Variants in HNF4G observed in about 807,000 individuals in gnomAD.
HNF4G encodes the protein hepatocyte nuclear factor 4 gamma.
HNF4G carries 21 observed loss-of-function variants against 50.9 expected under a neutral mutation model. The ratio of observed to expected loss-of-function variants is 0.41; its 90% confidence interval spans 0.29 to 0.59. HNF4G has a LOEUF of 0.59. HNF4G is among the 20% of genes least tolerant of loss of function. The pLI is 0.26. For synonymous variants in HNF4G, 198 were observed against 185.6 expected, an observed-to-expected ratio of 1.07 and a Z score of -0.54; for missense variants, 527 against 559.4, an observed-to-expected ratio of 0.94 and a Z score of 0.58.
intron 1 of HNF4G, among the ~76,000 whole-genome samples, chr8:75,409,575 A>T (rs1810448449): frequency 7.6e-6 from 1 of 130,750 alleles, no homozygotes; most frequent in Non-Finnish European, 1.5e-5. Flanking sequence ...TGCAACCTCT[A>T]CCTCCCCAGT....
chr8:75,564,829 A>T lies in HNF4G; in HGVS notation c.*733A>T, dbSNP rs546025983. On this transcript the variant is annotated 3_prime_UTR_variant, in exon 10 of 10. Coordinates refer to ENST00000396423, the MANE Select transcript of HNF4G (RefSeq NM_004133.5). ...AAACAGTGACTAAATCAAGAGAGGA[A>T]TCTATTTCTTTCTCCTGAAACAATT... The T allele has an allele frequency of 6.6e-6, 1 of 152,326 alleles. No homozygotes were observed. The highest frequency in any genetic ancestry group is 2.1e-4 in the South Asian group (1 of 4,830). The allele number at this position is 152,326 out of a possible 1,614,324, so 9.4% of individuals were successfully genotyped here.
chr8:75,429,933 C>G (rs1023317003), intron 1 of HNF4G, among the ~76,000 whole-genome samples: 1 of 152,016 alleles, frequency 6.6e-6, no homozygotes. Context: ...CAGCGGATCA[C>G]GAGATCAGGA....
intron 8 of HNF4G, 114 bp downstream of exon 8, chr8:75,559,151 C>T (rs1263874999): frequency 1.3e-6 from 1 of 752,842 alleles, no homozygotes. Context: ...CTGTGATGCT[C>T]CTGAATTTTT....
At chr8:75,551,165 A>T (rs568850405) in intron 3 of HNF4G, among the ~76,000 whole-genome samples, 2 of 152,254 alleles carry the variant, frequency 1.3e-5, no homozygotes, top group Non-Finnish European at 2.9e-5. Flanking sequence ...TCTAACATGC[A>T]TGCTGTCATG....
intron 2 of HNF4G, among the ~76,000 whole-genome samples, chr8:75,497,606 C>A (rs1368905304): frequency 6.6e-6 from 1 of 151,892 alleles, no homozygotes; most frequent in African/African-American, 2.4e-5. Flanking sequence ...ATTGCTTGAA[C>A]CCAGGAGGCG....
chr8:75,566,499 G>A lies in HNF4G; in HGVS notation c.*2403G>A, dbSNP rs1807465755. The A allele has an allele frequency of 6.6e-6, 1 of 152,350 alleles. No homozygotes were observed. The highest frequency in any genetic ancestry group is 2.4e-5 in the African/African-American group (1 of 41,368). The allele number at this position is 152,350 out of a possible 1,614,324, so 9.4% of individuals were successfully genotyped here. A position where few individuals can be genotyped will look rare whatever the true frequency, so the allele number is the denominator to read the frequency against. On this transcript the variant is annotated 3_prime_UTR_variant, in exon 10 of 10. Coordinates refer to ENST00000396423, the MANE Select transcript of HNF4G (RefSeq NM_004133.5). ...GTAATGATTCTGCTTCAATAACTAT[G>A]GTCAGGGAATTTATAATATTATATT...
intron 2 of HNF4G, among the ~76,000 whole-genome samples, chr8:75,533,726 C>T (rs1806389703): frequency 6.6e-6 from 1 of 151,836 alleles, no homozygotes; most frequent in Non-Finnish European, 1.5e-5. Flanking sequence ...GCCAGTTATA[C>T]ACCTACCTCT....
intron 1 of HNF4G, among the ~76,000 whole-genome samples, chr8:75,457,650 G>T (rs570910391): frequency 1.3e-5 from 2 of 152,208 alleles, no homozygotes; most frequent in Admixed American, 6.5e-5. Context: ...GAATCTAATA[G>T]GTGGATCTTC....
chr8:75,554,088 G>GA (rs1300347660), intron 5 of HNF4G, among the ~76,000 whole-genome samples: 1 of 150,216 alleles, frequency 6.7e-6, no homozygotes, highest in South Asian at 2.1e-4. Context: ...CTGGTGACAG[G>GA]AAAAAAAAAT....
intron 1 of HNF4G, among the ~76,000 whole-genome samples, chr8:75,453,393 C>G (rs1424612796): frequency 1.3e-5 from 2 of 152,182 alleles, no homozygotes; most frequent in Non-Finnish European, 2.9e-5. Context: ...AATCAGTGCT[C>G]TGTAGCTAGC....
At chr8:75,442,321 T>C (rs917765013) in intron 1 of HNF4G, among the ~76,000 whole-genome samples, 8 of 151,474 alleles carry the variant, frequency 5.3e-5, no homozygotes, top group African/African-American at 1.7e-4. Context: ...ACTGAACACA[T>C]ATTAAATATT....
chr8:75,510,709 C>T (rs1805727760), intron 2 of HNF4G, among the ~76,000 whole-genome samples: 1 of 152,106 alleles, frequency 6.6e-6, no homozygotes, highest in South Asian at 2.1e-4. Context: ...GTTATACCAT[C>T]TAGGTTTGTG....
chr8:75,563,717 GA>G (rs1807383855), intron 9 of HNF4G, among the ~76,000 whole-genome samples: 1 of 151,800 alleles, frequency 6.6e-6, no homozygotes, highest in Non-Finnish European at 1.5e-5. Flanking sequence ...AGGAAAGGCA[GA>G]AAACACCTTA....
At chr8:75,462,878 C>G (rs928579873) in intron 1 of HNF4G, among the ~76,000 whole-genome samples, 1 of 152,050 alleles carries the variant, frequency 6.6e-6, no homozygotes, top group Non-Finnish European at 1.5e-5. Flanking sequence ...ATAGAGAAGG[C>G]AGACAATATA....
intron 2 of HNF4G, among the ~76,000 whole-genome samples, chr8:75,493,586 A>G (rs1437398255): frequency 6.6e-6 from 1 of 152,050 alleles, no homozygotes; most frequent in Admixed American, 6.6e-5. Flanking sequence ...TAGTATGAAA[A>G]TTTTCTATAT....
chr8:75,536,694 G>A (rs1035152034), upstream of HNF4G, among the ~76,000 whole-genome samples: 1 of 152,010 alleles, frequency 6.6e-6, no homozygotes, highest in African/African-American at 2.4e-5. Context: ...TGTTTATTGA[G>A]TTATAAAAAC....
At chr8:75,456,236 G>A (rs576971081) in intron 1 of HNF4G, among the ~76,000 whole-genome samples, 1 of 152,068 alleles carries the variant, frequency 6.6e-6, no homozygotes, top group Non-Finnish European at 1.5e-5. Context: ...TTTATATTAT[G>A]AATGAAGAAA....
intron 2 of HNF4G, among the ~76,000 whole-genome samples, chr8:75,528,162 G>A (rs1205144166): frequency 6.6e-6 from 1 of 152,160 alleles, no homozygotes; most frequent in African/African-American, 2.4e-5. Flanking sequence ...CATGTAGTAG[G>A]TAGAAAATGA....
chr8:75,548,345 G>A (rs1057272394), intron 3 of HNF4G, among the ~76,000 whole-genome samples: 7 of 151,888 alleles, frequency 4.6e-5, no homozygotes, highest in Non-Finnish European at 1.0e-4. Flanking sequence ...TTCTTTTGAT[G>A]AACATTGAAT....
Sources: gnomAD v4.1 joint callset for allele counts (sites outside exome capture counted in the v4.1 genomes callset) on GRCh38, gnomAD v4.1.1 for gene constraint, MANE v1.5 for transcripts, NCBI Gene and HGNC (gene_info 2026-07-23, HGNC 2026-07-21) for gene names.